Variants in HTR7 observed in about 807,000 individuals in gnomAD.
HTR7 encodes 5-HT-7.
In HTR7, 16 loss-of-function variants were observed where a neutral mutation model predicts 34.0. That is an observed-to-expected ratio of 0.47 (90% CI 0.32 to 0.71). The LOEUF (loss-of-function observed/expected upper bound fraction) is 0.71. Among genes scored for constraint, HTR7 ranks in the 30% least tolerant of loss-of-function variants. HTR7 has a pLI of 0.04. For missense variants in HTR7, 504 were observed against 625.5 expected, an observed-to-expected ratio of 0.81 and a Z score of 2.07; for synonymous variants, 265 against 260.2, an observed-to-expected ratio of 1.02 and a Z score of -0.18.
At chr10:90,752,811 C>T (rs1173505542) in intron 1 of HTR7, among the ~76,000 whole-genome samples, 1 of 152,146 alleles carries the variant, frequency 6.6e-6, no homozygotes, top group Non-Finnish European at 1.5e-5. Flanking sequence ...AAAAGTATTA[C>T]TGGCTTCTTA....
intron 1 of HTR7, among the ~76,000 whole-genome samples, chr10:90,840,108 A>G (rs2120084957): frequency 6.7e-6 from 1 of 149,704 alleles, no homozygotes; most frequent in South Asian, 2.1e-4. Flanking sequence ...TTTGCATGCA[A>G]TCATCTTTTC....
At position 90,764,620 on chromosome 10, in the gene HTR7, C is replaced by A. The variant is rs1260405981; in HGVS notation, c.540-15026G>T. On this transcript the variant is annotated intron_variant, in intron 1 of 3. Transcript: ENST00000336152. ...TCATCATGTCACCTGAAAACAGAAACAATTTTACTTCTTCTTTTCTAATTT... is the reference window on the plus strand; with the variant it reads ...TCATCATGTCACCTGAAAACAGAAAAAATTTTACTTCTTCTTTTCTAATTT... Among the ~76,000 whole-genome samples the A allele has an allele frequency of 3.9e-5, 6 of 152,118 alleles. No homozygotes were observed. In the South Asian group the frequency reaches 1.0e-3, roughly 26 times the overall value.
chr10:90,776,577 A>C (rs1845215612), intron 1 of HTR7, among the ~76,000 whole-genome samples: 1 of 152,242 alleles, frequency 6.6e-6, no homozygotes, highest in Non-Finnish European at 1.5e-5. Context: ...GTAATTTCCT[A>C]AACTTCATAC....
In HTR7 at chr10:90,749,480, G is replaced by T; in HGVS notation, c.654C>A (p.Leu218=). 1 of 1,614,200 alleles carries T rather than the reference G, an allele frequency of 6.2e-7. No individual in the cohort carries two copies. Among genetic ancestry groups the T allele is most frequent in the Non-Finnish European group, 8.5e-7 (1 of 1,180,030 alleles). ...CATTTACATTCTGAGCCCATCCAAA[G>T]AGTGGAGGTAAGGTGATGGAGGCGG... ...LLSASITLPP[L]FGWAQNVNDD... The change falls in exon 2 of 4, where the codon CTC becomes CTA. Residue 218 remains leucine, a synonymous_variant. Coordinates refer to ENST00000336152, the MANE Select transcript of HTR7 (RefSeq NM_019859.4). The surrounding 1 kb of genome is among the most constrained non-coding windows in gnomAD (Gnocchi z 4.2).
chr10:90,836,300 G>C (rs1846251136), intron 1 of HTR7, among the ~76,000 whole-genome samples: 2 of 152,206 alleles, frequency 1.3e-5, no homozygotes, highest in South Asian at 2.1e-4. Flanking sequence ...TGAAAACGGA[G>C]AGTCAGAAAG....
At chr10:90,757,199 T>C (rs1844846092) in intron 1 of HTR7, among the ~76,000 whole-genome samples, 1 of 152,162 alleles carries the variant, frequency 6.6e-6, no homozygotes, top group Admixed American at 6.5e-5. Flanking sequence ...TTCAACCCCA[T>C]CCCATAGAAG....
intron 2 of HTR7, chr10:90,743,942 G>C (rs1303751568): frequency 1.6e-6 from 1 of 643,392 alleles, no homozygotes; most frequent in South Asian, 1.5e-5. Flanking sequence ...CTGAGGTTCT[G>C]GTTATGCTGA....
Position 90,857,221 on chromosome 10 carries a change from C to T in HTR7, c.451G>A (p.Gly151Arg). The T allele has an allele frequency of 6.2e-7, 1 of 1,614,074 alleles. No homozygotes were observed. The highest frequency in any genetic ancestry group is 8.5e-7 in the Non-Finnish European group (1 of 1,180,010). ...ATGAAGACATTACAGAAAAAGTGTC[C>T]AAAGATCCACTTGCCCCCGATGAGG... ...TDLIGGKWIF[G>R]HFFCNVFIAM... is the part of the protein sequence containing the mutation. Residue 151 changes from glycine (G) to arginine (R), a missense_variant, in exon 1 of 4, where the codon GGA (glycine) becomes AGA (arginine). Transcript: ENST00000336152. This position sits in a 1 kb window ranked among gnomAD's most constrained non-coding sequence, Gnocchi z 6.5.
chr10:90,847,042 C>T (rs1223983183), intron 1 of HTR7, among the ~76,000 whole-genome samples: 1 of 152,176 alleles, frequency 6.6e-6, no homozygotes, highest in African/African-American at 2.4e-5. Context: ...CATGTCTCCA[C>T]TTTTATTATT....
At chr10:90,814,944 C>A (rs1166301851) in intron 1 of HTR7, among the ~76,000 whole-genome samples, 1 of 152,208 alleles carries the variant, frequency 6.6e-6, no homozygotes, top group Non-Finnish European at 1.5e-5. Context: ...TATGGATTGA[C>A]AAAAGGGCCT....
intron 1 of HTR7, among the ~76,000 whole-genome samples, chr10:90,765,127 T>G (rs1845000942): frequency 6.6e-6 from 1 of 152,196 alleles, no homozygotes; most frequent in Non-Finnish European, 1.5e-5. Context: ...CCTTAAATGT[T>G]GGGTAGATTC....
rs574081759 is a variant in HTR7, at chr10:90,843,083, C to T, written c.539+14050G>A. Among the ~76,000 whole-genome samples the T allele has an allele frequency of 8.5e-5, 13 of 152,268 alleles. No individual in the cohort carries two copies. In the South Asian group the frequency reaches 2.7e-3, roughly 32 times the overall value. On this transcript the variant is annotated intron_variant, in intron 1 of 3. Transcript: ENST00000336152. ...AGGCCACATGTGTGGATTTGAGAAT[C>T]AGAGGCACCATTCCCTTTTTTCTTC...
At chr10:90,816,410 G>C (rs911572498) in intron 1 of HTR7, among the ~76,000 whole-genome samples, 18 of 152,182 alleles carry the variant, frequency 1.2e-4, no homozygotes, top group Admixed American at 3.9e-4. Flanking sequence ...ATTAGAGAGA[G>C]AGAAATTCTA....
intron 1 of HTR7, among the ~76,000 whole-genome samples, chr10:90,769,549 C>T (rs1173208791): frequency 6.6e-6 from 1 of 152,094 alleles, no homozygotes; most frequent in Non-Finnish European, 1.5e-5. Context: ...CATATATTTC[C>T]ACTAAAATAG....
intron 1 of HTR7, among the ~76,000 whole-genome samples, chr10:90,806,796 A>G (rs538682384): frequency 2.0e-5 from 3 of 152,322 alleles, no homozygotes; most frequent in East Asian, 3.9e-4. Flanking sequence ...TAGCTAAAAC[A>G]AAAGTAAAAG....
At chr10:90,763,843 G>A (rs1365755150) in intron 1 of HTR7, among the ~76,000 whole-genome samples, 3 of 152,030 alleles carry the variant, frequency 2.0e-5, no homozygotes, top group Non-Finnish European at 2.9e-5. Flanking sequence ...TATGTACCAC[G>A]TTTTCTTTAT....
At chr10:90,820,677 T>C (rs769847595) in intron 1 of HTR7, among the ~76,000 whole-genome samples, 1 of 152,160 alleles carries the variant, frequency 6.6e-6, no homozygotes, top group Non-Finnish European at 1.5e-5. Flanking sequence ...AATTGTAACA[T>C]CCTAGCACTA....
At chr10:90,823,248 G>C (rs770404195) in intron 1 of HTR7, among the ~76,000 whole-genome samples, 2 of 152,198 alleles carry the variant, frequency 1.3e-5, no homozygotes, top group Non-Finnish European at 2.9e-5. Flanking sequence ...GCAGCCGAGG[G>C]GGCTATACCC....
intron 1 of HTR7, among the ~76,000 whole-genome samples, chr10:90,808,153 C>T (rs1430207194): frequency 1.3e-5 from 2 of 152,222 alleles, no homozygotes; most frequent in African/African-American, 2.4e-5. Context: ...CACGCAGGGA[C>T]GCCTGCCTTG....
Sources: gnomAD v4.1 joint callset for allele counts (sites outside exome capture counted in the v4.1 genomes callset) on GRCh38, gnomAD v4.1.1 for gene constraint, Gnocchi (gnomAD v3.1) non-coding constraint, MANE v1.5 for transcripts, NCBI Gene and HGNC (gene_info 2026-07-23, HGNC 2026-07-21) for gene names.